The following LINGO2 variants were observed in gnomAD, a reference collection of about 807,000 sequenced individuals.
LINGO2 encodes the protein leucine-rich repeat and immunoglobulin-like domain-containing nogo receptor-interacting protein 2.
Under a neutral mutation model 30.6 loss-of-function variants are expected in LINGO2, and 14 were observed. That is an observed-to-expected ratio of 0.46 (90% CI 0.30 to 0.72). LINGO2 has a LOEUF of 0.72. Ranked by LOEUF, LINGO2 falls within the 30% of genes least tolerant of loss-of-function variation. LINGO2 has a pLI of 0.07. For missense variants in LINGO2, 729 were observed against 751.7 expected, an observed-to-expected ratio of 0.97 and a Z score of 0.35; for synonymous variants, 317 against 288.5, an observed-to-expected ratio of 1.10 and a Z score of -1.00.
At chr9:28,698,360 A>G in the LINGO2 span, among the ~76,000 whole-genome samples, 2 of 152,156 alleles carry the variant, frequency 1.3e-5, no homozygotes, top group South Asian at 2.1e-4. Context: ...AAAAATTATC[A>G]TATCTTTTCA....
the LINGO2 span, among the ~76,000 whole-genome samples, chr9:28,963,917 A>G: frequency 6.6e-6 from 1 of 151,938 alleles, no homozygotes; most frequent in African/African-American, 2.4e-5. Flanking sequence ...AATAGCTAGC[A>G]TAAAAGGTTT....
chr9:28,795,571 CTTATA>C, the LINGO2 span, among the ~76,000 whole-genome samples: 6 of 151,184 alleles, frequency 4.0e-5, no homozygotes, highest in Non-Finnish European at 8.8e-5. Context: ...TTTAATATAT[CTTATA>C]TATCTTTCAT....
At chr9:28,778,037 T>C in the LINGO2 span, among the ~76,000 whole-genome samples, 1 of 152,120 alleles carries the variant, frequency 6.6e-6, no homozygotes, top group Non-Finnish European at 1.5e-5. Flanking sequence ...CTTTCTGATA[T>C]GATTGATAGT....
chr9:28,600,007 C>A (rs937240407), intron 1 of LINGO2, among the ~76,000 whole-genome samples: 1 of 151,944 alleles, frequency 6.6e-6, no homozygotes, highest in Non-Finnish European at 1.5e-5. Context: ...TAAATGAATA[C>A]AAAATGCTTT....
intron 4 of LINGO2, among the ~76,000 whole-genome samples, chr9:28,018,037 G>T (rs560218207): frequency 6.6e-6 from 1 of 151,890 alleles, no homozygotes; most frequent in Non-Finnish European, 1.5e-5. Context: ...AGAATAGAGC[G>T]CCTGAAAATA....
intron 5 of LINGO2, among the ~76,000 whole-genome samples, chr9:28,009,985 A>G (rs1822474103): frequency 6.6e-6 from 1 of 152,146 alleles, no homozygotes; most frequent in African/African-American, 2.4e-5. Context: ...CCATAAACTG[A>G]TGAACGGATA....
At chr9:28,937,385 G>A in the LINGO2 span, among the ~76,000 whole-genome samples, 2 of 152,148 alleles carry the variant, frequency 1.3e-5, no homozygotes, top group Admixed American at 1.3e-4. Flanking sequence ...AAAATGGTAG[G>A]ACGGACATAG....
chr9:28,199,344 C>CTTCTTCTTCTT lies in LINGO2; in HGVS notation c.-87+95863_-87+95864insAAGAAGAAGAA, dbSNP rs74180792. On this transcript the variant is annotated intron_variant, in intron 4 of 5. Coordinates refer to ENST00000379992, the Ensembl canonical transcript of LINGO2. ...CTATCTTCTTCTTCTTCTTCTTCTT[C>CTTCTTCTTCTT]TTTTTTTTTTTTTGAGACGGAGTCT... 2.6e-3 allele frequency among the ~76,000 whole-genome samples: 301 copies of CTTCTTCTTCTT among 117,666 alleles called. 7 individuals carry two copies. The highest frequency in any genetic ancestry group is 5.1e-3 in the Middle Eastern group (1 of 198). The allele number at this position is 117,666 out of a possible 152,430, so 77.2% of individuals were successfully genotyped here.
the LINGO2 span, among the ~76,000 whole-genome samples, chr9:28,713,189 T>C: frequency 1.2e-4 from 18 of 152,324 alleles, no homozygotes; most frequent in African/African-American, 3.8e-4. Context: ...ACCGCTTCAA[T>C]ACTTATTTTT....
the LINGO2 span, among the ~76,000 whole-genome samples, chr9:28,711,143 G>A: frequency 1.3e-5 from 2 of 151,998 alleles, no homozygotes; most frequent in Admixed American, 1.3e-4. Context: ...TATTTATTAA[G>A]TGCTTAATGT....
intron 4 of LINGO2, among the ~76,000 whole-genome samples, chr9:28,161,394 C>CCTTTTT (rs1828281462): frequency 6.6e-6 from 1 of 151,712 alleles, no homozygotes; most frequent in South Asian, 2.1e-4. Flanking sequence ...TGTTATTTTG[C>CCTTTTT]CTTTGAAAGT....
chr9:28,399,058 T>A (rs1269180320), intron 2 of LINGO2, among the ~76,000 whole-genome samples: 1 of 152,184 alleles, frequency 6.6e-6, no homozygotes, highest in African/African-American at 2.4e-5. Context: ...TGGCAGCATC[T>A]TCTCACCTCC....
intron 4 of LINGO2, among the ~76,000 whole-genome samples, chr9:28,104,125 A>T (rs16912489): frequency 0.2 from 30,395 of 151,684 alleles, 3,306 homozygotes; most frequent in Non-Finnish European, 0.22. Context: ...AAAAGCAATG[A>T]CTCCTTGTCC....
intron 4 of LINGO2, among the ~76,000 whole-genome samples, chr9:28,050,265 G>A (rs1043927007): frequency 5.3e-5 from 8 of 150,678 alleles, no homozygotes; most frequent in African/African-American, 2.0e-4. Context: ...ACAAAAATGA[G>A]TAAGACATAC....
rs1390492558 is a variant in LINGO2 at position 28,235,510 on chromosome 9, C to G, written c.-87+59698G>C. Among the ~76,000 whole-genome samples the G allele has an allele frequency of 2.0e-5, 3 of 152,126 alleles. No homozygotes were observed. In the East Asian group the frequency reaches 5.8e-4, roughly 29 times the overall value. ...AATGAATTAAACAAGGTACCAGGGA[C>G]AATCCTGGAGAAACAGAGATATGTA... is the stretch of plus-strand genomic sequence containing the variant. On this transcript the variant is annotated intron_variant, in intron 4 of 5. Coordinates refer to ENST00000379992, the Ensembl canonical transcript of LINGO2.
At chr9:28,157,333 A>C (rs945688662) in intron 4 of LINGO2, among the ~76,000 whole-genome samples, 1 of 152,186 alleles carries the variant, frequency 6.6e-6, no homozygotes, top group Non-Finnish European at 1.5e-5. Flanking sequence ...CAAGCTCTAC[A>C]TTGACCCCTT....
chr9:28,117,364 G>C (rs1175165163), intron 4 of LINGO2, among the ~76,000 whole-genome samples: 1 of 128,400 alleles, frequency 7.8e-6, no homozygotes, highest in Non-Finnish European at 1.7e-5. Context: ...CTGTCTTTTT[G>C]TTTGTCTGTG....
the LINGO2 span, among the ~76,000 whole-genome samples, chr9:28,922,248 G>A: frequency 3.9e-3 from 597 of 152,158 alleles, no homozygotes; most frequent in South Asian, 6.6e-3. Flanking sequence ...CTATTTTGTC[G>A]TGTTCAAACT....
intron 4 of LINGO2, among the ~76,000 whole-genome samples, chr9:28,121,379 T>C (rs145666091): frequency 2.6e-4 from 40 of 152,338 alleles, no homozygotes; most frequent in African/African-American, 9.4e-4. Flanking sequence ...TATGTTCTTT[T>C]AGAGTTTTTG....
Sources: gnomAD v4.1 joint callset for allele counts (sites outside exome capture counted in the v4.1 genomes callset) on GRCh38, gnomAD v4.1.1 for gene constraint, MANE v1.5 for transcripts, NCBI Gene and HGNC (gene_info 2026-07-23, HGNC 2026-07-21) for gene names.